Variants in LYN observed in about 807,000 individuals in gnomAD.
LYN encodes tyrosine-protein kinase Lyn.
In LYN, 12 loss-of-function variants were observed where a neutral mutation model predicts 65.0. The ratio of observed to expected loss-of-function variants is 0.18; its 90% confidence interval spans 0.12 to 0.30. The LOEUF is 0.30. Ranked by LOEUF, LYN falls within the 10% of genes least tolerant of loss-of-function variation. LYN has a pLI of 1.00. For synonymous variants in LYN, 222 were observed against 221.2 expected, an observed-to-expected ratio of 1.00 and a Z score of -0.03; for missense variants, 380 against 623.2, an observed-to-expected ratio of 0.61 and a Z score of 4.16.
chr8:55,966,890 G>A lies in LYN; in HGVS notation c.966G>A (p.Met322Ile). 1 of 1,613,132 alleles carries A rather than the reference G, an allele frequency of 6.2e-7. No homozygotes were observed. Among genetic ancestry groups the A allele is most frequent in the Non-Finnish European group, 8.5e-7 (1 of 1,179,614 alleles). Residue 322 changes from methionine to isoleucine, a missense_variant, in exon 9 of 13, where the codon ATG becomes ATA. This residue lies in a region of LYN where 223 missense variants were observed against 430.0 expected (regional missense o/e 0.52). Coordinates refer to ENST00000519728, the MANE Select transcript of LYN (RefSeq NM_002350.4). ...CCATTTACATCATCACCGAGTACATGGCCAAGGGTGAGTTCCTCCCACTGC... is the reference window on the plus strand; with the variant it reads ...CCATTTACATCATCACCGAGTACATAGCCAAGGGTGAGTTCCTCCCACTGC... The part of the protein sequence containing the change: ...EEPIYIITEY[M>I]AKGSLLDFLK...
chr8:55,930,788 C>T (rs1376936922), intron 1 of LYN, among the ~76,000 whole-genome samples: 2 of 152,124 alleles, frequency 1.3e-5, no homozygotes, highest in East Asian at 1.9e-4. Context: ...GGCTTCATTC[C>T]GGTCATACCA....
intron 1 of LYN, among the ~76,000 whole-genome samples, chr8:55,893,168 A>AT (rs1805002555): frequency 6.6e-6 from 1 of 152,254 alleles, no homozygotes; most frequent in Admixed American, 6.5e-5. Flanking sequence ...TACCCTGGCG[A>AT]TTCAGTTGCT....
chr8:55,974,159 T>C (rs1807690344), intron 10 of LYN, among the ~76,000 whole-genome samples: 1 of 152,230 alleles, frequency 6.6e-6, no homozygotes, highest in African/African-American at 2.4e-5. Flanking sequence ...TGGGACTTGA[T>C]CCAGGGACTT....
chr8:55,954,037 G>A, intron 8 of LYN, 53 bp downstream of exon 8: 3 of 1,586,008 alleles, frequency 1.9e-6, no homozygotes, highest in Middle Eastern at 4.2e-4. Flanking sequence ...GACAGGAGAA[G>A]TAAAGGCTCA....
In LYN at chr8:55,969,752, G is replaced by C. The variant is rs374928456; in HGVS notation, c.1009G>C (p.Gly337Arg). The change falls in exon 10 of 13, where the codon GGC becomes CGC. Residue 337 changes from glycine to arginine, a missense_variant. Gly to Arg is a moderately radical substitution (Grantham distance 125). Around this residue, in one of 2 missense-constraint regions of LYN, gnomAD observed 223 missense variants for 430.0 expected, o/e 0.52. Transcript: ENST00000519728. ...GGATTTCCTGAAGAGCGATGAAGGT[G>C]GCAAAGTGCTGCTTCCAAAGCTCAT... ...LLDFLKSDEG[G>R]KVLLPKLIDF... is the part of the protein sequence containing the mutation. 1 of 1,614,074 alleles carries C rather than the reference G, an allele frequency of 6.2e-7. No homozygotes were observed. The highest frequency in any genetic ancestry group is 8.5e-7 in the Non-Finnish European group (1 of 1,180,012).
intron 1 of LYN, among the ~76,000 whole-genome samples, chr8:55,920,223 A>G (rs888103077): frequency 1.3e-5 from 2 of 152,170 alleles, no homozygotes; most frequent in Non-Finnish European, 2.9e-5. Flanking sequence ...AGAGAGGGAT[A>G]GAATTGAGGT....
In LYN at chr8:55,983,622, C is replaced by T. The variant is rs190913209; in HGVS notation, c.1050+13829C>T. On this transcript the variant is annotated intron_variant, in intron 10 of 12. Transcript: ENST00000519728. The stretch of plus-strand genomic sequence containing the variant: ...CAGGACACTACATCCAAAGGGCACC[C>T]ATCTCTCAGCATCTTCCTAGCTGCC... Among the ~76,000 whole-genome samples, 3 of 152,074 alleles carry T rather than the reference C, an allele frequency of 2.0e-5. No individual in the cohort carries two copies. The East Asian group carries it at 5.8e-4, about 30-fold the overall frequency.
At chr8:55,898,991 A>AT (rs60513869) in intron 1 of LYN, among the ~76,000 whole-genome samples, 47 of 151,744 alleles carry the variant, frequency 3.1e-4, no homozygotes, top group Non-Finnish European at 6.9e-4. Flanking sequence ...TGCTGGGCTA[A>AT]TTTTTTTTAT....
chr8:55,947,220 G>A (rs977498535), intron 3 of LYN, among the ~76,000 whole-genome samples: 15 of 152,374 alleles, frequency 9.8e-5, no homozygotes, highest in Non-Finnish European at 1.8e-4. Flanking sequence ...TTGCACTCCA[G>A]TCTGGGCGAC....
chr8:55,891,311 G>A (rs13274372), intron 1 of LYN, among the ~76,000 whole-genome samples: 2 of 149,498 alleles, frequency 1.3e-5, no homozygotes, highest in African/African-American at 2.5e-5. Flanking sequence ...GAGATCCCGC[G>A]ACTGCACTCC....
chr8:55,970,630 C>A (rs958555598), intron 10 of LYN, among the ~76,000 whole-genome samples: 2 of 152,144 alleles, frequency 1.3e-5, no homozygotes, highest in Non-Finnish European at 2.9e-5. Flanking sequence ...TTCCCTCACA[C>A]CCTCTTTTAG....
At chr8:55,902,210 G>A (rs1335554177) in intron 1 of LYN, among the ~76,000 whole-genome samples, 3 of 151,880 alleles carry the variant, frequency 2.0e-5, no homozygotes. Context: ...GTTTCTACAT[G>A]TTGGTCAGGC....
chr8:55,997,950 G>A (rs1258196003), intron 10 of LYN, among the ~76,000 whole-genome samples: 1 of 152,200 alleles, frequency 6.6e-6, no homozygotes, highest in Admixed American at 6.5e-5. Context: ...CGGGCATGGT[G>A]GTGGGTGCCT....
At chr8:55,993,613 A>G (rs1808303055) in intron 10 of LYN, among the ~76,000 whole-genome samples, 1 of 152,228 alleles carries the variant, frequency 6.6e-6, no homozygotes. Context: ...TTGCATCTGT[A>G]CAATGGAAGT....
chr8:55,942,339 A>ATGTG (rs1806638701), intron 2 of LYN, among the ~76,000 whole-genome samples: 1 of 142,100 alleles, frequency 7.0e-6, no homozygotes, highest in Non-Finnish European at 1.5e-5. Flanking sequence ...GTGTATATAT[A>ATGTG]TATGTGTATA....
intron 8 of LYN, among the ~76,000 whole-genome samples, chr8:55,956,089 C>A (rs1165589885): frequency 1.3e-5 from 2 of 151,772 alleles, no homozygotes; most frequent in Admixed American, 1.3e-4. Context: ...TTTCAAGAAC[C>A]ACAAAACTAT....
chr8:55,909,001 A>C (rs1391801487), intron 1 of LYN, among the ~76,000 whole-genome samples: 4 of 19,232 alleles, frequency 2.1e-4, no homozygotes, highest in African/African-American at 1.1e-3. Context: ...ATATATATAT[A>C]TATATATATA....
intron 12 of LYN, among the ~76,000 whole-genome samples, chr8:56,001,003 G>A (rs955070589): frequency 3.3e-5 from 5 of 152,122 alleles, no homozygotes; most frequent in African/African-American, 1.2e-4. Context: ...AGGGTGGTGA[G>A]AGTAGTGTGG....
At chr8:55,893,149 G>A (rs992753822) in intron 1 of LYN, among the ~76,000 whole-genome samples, 7 of 152,150 alleles carry the variant, frequency 4.6e-5, no homozygotes, top group South Asian at 2.1e-4. Context: ...GCAAGACCTC[G>A]TCCTGTTTTA....
Sources: gnomAD v4.1 joint callset for allele counts (sites outside exome capture counted in the v4.1 genomes callset) on GRCh38, gnomAD v4.1.1 for gene constraint, gnomAD v4.1.1 regional missense constraint, MANE v1.5 for transcripts, NCBI Gene and HGNC (gene_info 2026-07-23, HGNC 2026-07-21) for gene names.